CALN1: variants seen among roughly 807,000 people sequenced by gnomAD.
The protein encoded by CALN1 is calneuron 1, also known as calcium-binding protein 8.
A neutral mutation model predicts 30.6 loss-of-function variants in CALN1; 17 were observed. That is an observed-to-expected ratio of 0.56 (90% CI 0.38 to 0.83). The LOEUF (loss-of-function observed/expected upper bound fraction) is 0.83. CALN1 is among the 40% of genes least tolerant of loss of function. The pLI, the probability that CALN1 is intolerant of heterozygous loss-of-function variation, is 0.00. For missense variants in CALN1, 291 were observed against 354.9 expected, an observed-to-expected ratio of 0.82 and a Z score of 1.45; for synonymous variants, 156 against 131.4, an observed-to-expected ratio of 1.19 and a Z score of -1.28.
chr7:71,789,190 G>A (rs1218641874), intron 6 of CALN1, among the ~76,000 whole-genome samples: 1 of 152,022 alleles, frequency 6.6e-6, no homozygotes, highest in East Asian at 2.0e-4. Context: ...GCTGGGGTGG[G>A]CAGATCACCT....
intron 1 of CALN1, among the ~76,000 whole-genome samples, chr7:72,437,596 CT>C (rs1349986872): frequency 6.6e-5 from 10 of 151,906 alleles, no homozygotes; most frequent in African/African-American, 2.4e-4. Context: ...CTTTAACTAT[CT>C]TTTCTCTCCT....
At chr7:72,117,090 A>G (rs1479772050) in intron 3 of CALN1, among the ~76,000 whole-genome samples, 1 of 152,164 alleles carries the variant, frequency 6.6e-6, no homozygotes, top group East Asian at 1.9e-4. Flanking sequence ...AGACAGGAGG[A>G]TCATTTGAGA....
intron 4 of CALN1, among the ~76,000 whole-genome samples, chr7:72,068,711 G>A (rs1291125721): frequency 2.6e-5 from 4 of 152,060 alleles, no homozygotes; most frequent in Non-Finnish European, 4.4e-5. Flanking sequence ...GGCTGGTCTC[G>A]AACTCCTGGC....
chr7:72,097,701 T>C (rs1806338880), intron 4 of CALN1, among the ~76,000 whole-genome samples: 1 of 135,590 alleles, frequency 7.4e-6, no homozygotes, highest in East Asian at 4.0e-4. Flanking sequence ...ATTTTTTGAC[T>C]ATTTTTTTTT....
chr7:72,252,104 C>T (rs544861), intron 3 of CALN1, among the ~76,000 whole-genome samples: 110,588 of 152,056 alleles, frequency 0.73, 41,188 homozygotes, highest in East Asian at 1. Flanking sequence ...TCCACCTGGA[C>T]AGCTAATAAG....
At position 71,787,591 on chromosome 7, in the gene CALN1, C is replaced by A. The variant is rs904830305; in HGVS notation, c.*184G>T. On this transcript the variant is annotated 3_prime_UTR_variant, in exon 7 of 7. Coordinates refer to ENST00000395275, the MANE Select transcript of CALN1 (RefSeq NM_031468.4). ...TGAAGACAGCCCTTTAGTGTCCCTG[C>A]CAAGGAGATGAAGCTGAAGTGCAAC... The A allele has an allele frequency of 2.8e-5, 19 of 687,538 alleles. No individual in the cohort carries two copies. Among genetic ancestry groups the A allele is most frequent in the African/African-American group, 5.4e-5 (3 of 56,034 alleles). 42.6% of individuals were successfully genotyped at this position (687,538 alleles called of 1,614,324 possible).
chr7:72,353,088 T>G (rs1200189013), intron 2 of CALN1, among the ~76,000 whole-genome samples: 1 of 152,176 alleles, frequency 6.6e-6, no homozygotes, highest in African/African-American at 2.4e-5. Flanking sequence ...AGAAACTGAA[T>G]TCATAATTAA....
chr7:72,428,154 G>A (rs774803474), intron 1 of CALN1, among the ~76,000 whole-genome samples: 3 of 152,188 alleles, frequency 2.0e-5, no homozygotes, highest in Admixed American at 6.5e-5. Flanking sequence ...TGTGAGGAAT[G>A]ATCATATATC....
At chr7:71,812,926 C>CATTATTATTATTATT (rs566341266) in intron 5 of CALN1, among the ~76,000 whole-genome samples, 185 of 94,378 alleles carry the variant, frequency 2.0e-3, no homozygotes, top group East Asian at 0.011. Flanking sequence ...TTATCATCAT[C>CATTATTATTATTATT]ATCATTATTA....
intron 2 of CALN1, among the ~76,000 whole-genome samples, chr7:72,329,053 A>G (rs1801482135): frequency 6.6e-6 from 1 of 152,246 alleles, no homozygotes; most frequent in African/African-American, 2.4e-5. Flanking sequence ...GTTCATTTGC[A>G]AAACCATAAA....
upstream of CALN1, among the ~76,000 whole-genome samples, chr7:72,448,474 C>T (rs941330223): frequency 1.3e-5 from 2 of 152,148 alleles, no homozygotes; most frequent in African/African-American, 2.4e-5. Context: ...TGAGCAGCTG[C>T]TGGTCCCTTT....
chr7:72,230,021 G>C (rs1585218944), intron 3 of CALN1, among the ~76,000 whole-genome samples: 1 of 151,742 alleles, frequency 6.6e-6, no homozygotes, highest in Admixed American at 6.6e-5. Flanking sequence ...GGCGCCTGTA[G>C]TTCCAGCTAC....
intron 2 of CALN1, among the ~76,000 whole-genome samples, chr7:72,319,953 G>C (rs1800756845): frequency 6.6e-6 from 1 of 152,018 alleles, no homozygotes; most frequent in South Asian, 2.1e-4. Flanking sequence ...TTCATCACTA[G>C]GCACAGCTTG....
intron 5 of CALN1, among the ~76,000 whole-genome samples, chr7:71,901,551 G>A (rs1793850508): frequency 6.6e-6 from 1 of 151,916 alleles, no homozygotes; most frequent in Non-Finnish European, 1.5e-5. Context: ...AAAACAGAAT[G>A]GTACTAGTAT....
intron 4 of CALN1, among the ~76,000 whole-genome samples, chr7:72,078,139 G>A (rs1349967378): frequency 1.3e-5 from 2 of 152,298 alleles, no homozygotes; most frequent in African/African-American, 4.8e-5. Flanking sequence ...TTAGGGGAGC[G>A]AGGAGTGGTG....
At chr7:72,257,549 T>C (rs749307650) in intron 3 of CALN1, among the ~76,000 whole-genome samples, 11 of 152,344 alleles carry the variant, frequency 7.2e-5, no homozygotes, top group Admixed American at 2.0e-4. Flanking sequence ...TGGAAAACAG[T>C]GTGGAGATTC....
chr7:72,297,395 A>G (rs1798938936), intron 2 of CALN1, among the ~76,000 whole-genome samples: 1 of 152,168 alleles, frequency 6.6e-6, no homozygotes. Flanking sequence ...CCAATAAACA[A>G]CAAATCTCTG....
chr7:72,141,521 C>A (rs914419261), intron 3 of CALN1, among the ~76,000 whole-genome samples: 3 of 152,080 alleles, frequency 2.0e-5, no homozygotes, highest in East Asian at 3.9e-4. Flanking sequence ...CCCAAAACAA[C>A]CTTTTGTGTC....
Position 72,141,392 on chromosome 7 carries a change from G to A in CALN1, c.245-35098C>T, listed in dbSNP as rs778954401. 2.8e-4 allele frequency among the ~76,000 whole-genome samples: 42 copies of A among 152,120 alleles called. 1 individual carries two copies. Among genetic ancestry groups the A allele is most frequent in the Non-Finnish European group, 7.3e-5 (5 of 68,032 alleles). ...AAGCAAGTGGATCACCTGAGGTCAAGAGTTCGAGACCAGCCCTGGCAACAT... is the reference window on the plus strand; with the variant it reads ...AAGCAAGTGGATCACCTGAGGTCAAAAGTTCGAGACCAGCCCTGGCAACAT... On this transcript the variant is annotated intron_variant, in intron 3 of 6. Transcript: ENST00000395275.
Sources: allele counts gnomAD v4.1 joint callset (sites outside exome capture counted in the v4.1 genomes callset), GRCh38; gene constraint gnomAD v4.1.1; transcripts MANE v1.5; gene names NCBI Gene and HGNC (gene_info 2026-07-23, HGNC 2026-07-21).